The following PALM2AKAP2 variants were observed in gnomAD, a reference collection of about 807,000 sequenced individuals.
The protein encoded by PALM2AKAP2 is PALM2 and AKAP2 fusion.
In PALM2AKAP2, 37 loss-of-function variants were observed where a neutral mutation model predicts 71.5. The ratio of observed to expected loss-of-function variants is 0.52; its 90% CI spans 0.40 to 0.68. The LOEUF (loss-of-function observed/expected upper bound fraction) is 0.68. Ranked by LOEUF, PALM2AKAP2 falls within the 30% of genes least tolerant of loss-of-function variation. The probability of loss-of-function intolerance (pLI) is 0.00; values close to 1 mark genes in which losing one functional copy is unlikely to be tolerated. For missense variants in PALM2AKAP2, 1,224 were observed against 1,191.8 expected (o/e 1.03, Z -0.40); for synonymous variants, 468 against 478.8 (o/e 0.98, Z 0.29).
At position 109,919,709 on chromosome 9, in the gene PALM2AKAP2, G is replaced by GTATA. The variant is rs370844105; in HGVS notation, c.258-4016_258-4013dup. On this transcript the variant is annotated intron_variant, in intron 3 of 9. Coordinates refer to the PALM2AKAP2 transcript ENST00000302798. The stretch of plus-strand genomic sequence containing the variant: ...TTATTGGGATATATATTAGTAGGAT[G>GTATA]TATATATATATATGTGTGTATACAT... Among the ~76,000 whole-genome samples, 600 of 148,124 alleles carry GTATA rather than the reference G, an allele frequency of 4.1e-3. 4 individuals carry two copies. The highest frequency in any genetic ancestry group is 0.012 in the African/African-American group (469 of 39,788).
chr9:109,750,039 T>C (rs1167459628), intron 1 of PALM2AKAP2, among the ~76,000 whole-genome samples: 2 of 152,182 alleles, frequency 1.3e-5, no homozygotes, highest in African/African-American at 4.8e-5. Context: ...GTGATTTCAG[T>C]GTCACCAATA....
rs567216622 is a variant in PALM2AKAP2 at position 109,951,866 on chromosome 9, GTC to G, written c.496+19845_496+19846del. Among the ~76,000 whole-genome samples, 3 of 152,210 alleles carry G rather than the reference GTC, an allele frequency of 2.0e-5. No homozygotes were observed. In the South Asian group the frequency reaches 6.2e-4, roughly 32 times the overall value. On this transcript the variant is annotated intron_variant, in intron 6 of 9. Transcript: ENST00000302798. ...GTCCTCCCTCTAACCCCCTTTGCATGTCTCTCTCCACAACTGTCATCCTTTTC... is the reference window on the plus strand; with the variant it reads ...GTCCTCCCTCTAACCCCCTTTGCATGTCTCTCCACAACTGTCATCCTTTTC...
chr9:109,892,944 A>T (rs1232108236), intron 3 of PALM2AKAP2, among the ~76,000 whole-genome samples: 4 of 152,186 alleles, frequency 2.6e-5, no homozygotes, highest in African/African-American at 7.2e-5. Context: ...ATATATAAAC[A>T]ATCTCAAATT....
Position 109,682,239 on chromosome 9 carries a change from A to G in PALM2AKAP2, c.5+41373A>G, listed in dbSNP as rs535120303. ...GCTCAAAACATAATTTGTAAACTCTAATGACCAGAATGTTAGCCATAAGAA... is the reference window on the plus strand; with the variant it reads ...GCTCAAAACATAATTTGTAAACTCTGATGACCAGAATGTTAGCCATAAGAA... On this transcript the variant is annotated intron_variant, in intron 1 of 6. Coordinates refer to the PALM2AKAP2 transcript ENST00000374531. Among the ~76,000 whole-genome samples the G allele has an allele frequency of 6.1e-4, 93 of 152,306 alleles. 1 individual carries two copies. Among genetic ancestry groups the G allele is most frequent in the African/African-American group, 2.2e-3 (91 of 41,576 alleles).
intron 1 of PALM2AKAP2, among the ~76,000 whole-genome samples, chr9:109,661,050 A>G (rs1827386353): frequency 6.6e-6 from 1 of 152,094 alleles, no homozygotes; most frequent in South Asian, 2.1e-4. Context: ...TTCTTTGTAG[A>G]TTCTGGATAT....
chr9:109,688,416 G>A (rs1178227378), intron 1 of PALM2AKAP2, among the ~76,000 whole-genome samples: 2 of 152,206 alleles, frequency 1.3e-5, no homozygotes, highest in Admixed American at 1.3e-4. Context: ...CCATAGGGTG[G>A]CATTCAGAGC....
chr9:109,772,942 C>A (rs1193319565), intron 1 of PALM2AKAP2, among the ~76,000 whole-genome samples: 1 of 152,194 alleles, frequency 6.6e-6, no homozygotes, highest in South Asian at 2.1e-4. Flanking sequence ...CACGGTGAAA[C>A]CCCATCTCTA....
intron 1 of PALM2AKAP2, among the ~76,000 whole-genome samples, chr9:109,642,303 T>C (rs1171061194): frequency 1.3e-5 from 2 of 151,910 alleles, no homozygotes; most frequent in African/African-American, 4.8e-5. Context: ...AACTATTTCA[T>C]GTACTTTTTG....
chr9:109,650,633 C>G (rs1426025521), intron 1 of PALM2AKAP2, among the ~76,000 whole-genome samples: 1 of 152,136 alleles, frequency 6.6e-6, no homozygotes, highest in Admixed American at 6.5e-5. Flanking sequence ...ACTAAGTTGT[C>G]CAAGTTGGTC....
chr9:109,788,121 T>A (rs563316240), intron 1 of PALM2AKAP2, among the ~76,000 whole-genome samples: 8 of 152,336 alleles, frequency 5.3e-5, no homozygotes, highest in African/African-American at 1.9e-4. Flanking sequence ...TCTAGATAGG[T>A]AATTGCTCTC....
intron 6 of PALM2AKAP2, among the ~76,000 whole-genome samples, chr9:109,947,244 C>T (rs1450010261): frequency 6.6e-6 from 1 of 152,174 alleles, no homozygotes; most frequent in Non-Finnish European, 1.5e-5. Context: ...CTACCTATTC[C>T]ATTTAATTTC....
chr9:109,874,870 A>C (rs1829684898), intron 2 of PALM2AKAP2, among the ~76,000 whole-genome samples: 1 of 152,086 alleles, frequency 6.6e-6, no homozygotes, highest in South Asian at 2.1e-4. Flanking sequence ...CACTGATTCT[A>C]CCTCCAGAAT....
chr9:110,070,990 C>T (rs1402907589), intron 1 of PALM2AKAP2, among the ~76,000 whole-genome samples: 3 of 151,730 alleles, frequency 2.0e-5, no homozygotes, highest in African/African-American at 4.8e-5. Flanking sequence ...GGTGAAACCC[C>T]GCCTCTACTA....
intron 6 of PALM2AKAP2, among the ~76,000 whole-genome samples, chr9:110,008,783 A>G (rs76684906): frequency 0.023 from 3,432 of 152,130 alleles, 57 homozygotes; most frequent in South Asian, 0.052. Flanking sequence ...AATTGCCACT[A>G]TCTAGGATTG....
At chr9:109,968,565 G>C (rs981113775) in intron 6 of PALM2AKAP2, among the ~76,000 whole-genome samples, 1 of 152,104 alleles carries the variant, frequency 6.6e-6, no homozygotes, top group Admixed American at 6.5e-5. Context: ...GGGTTTCATT[G>C]CACCCTACAA....
At chr9:109,660,143 C>T (rs920291107) in intron 1 of PALM2AKAP2, among the ~76,000 whole-genome samples, 4 of 152,176 alleles carry the variant, frequency 2.6e-5, no homozygotes, top group African/African-American at 9.6e-5. Context: ...CCAAAAACAA[C>T]TCTTTCAGAA....
intron 6 of PALM2AKAP2, among the ~76,000 whole-genome samples, chr9:109,992,342 C>G (rs906434966): frequency 1.3e-5 from 2 of 152,188 alleles, no homozygotes; most frequent in Non-Finnish European, 2.9e-5. Flanking sequence ...TTGGCTACAT[C>G]TGCAAAGATC....
In PALM2AKAP2 at chr9:109,906,735, C is replaced by T. The variant is rs962417916; in HGVS notation, c.258-17000C>T. Among the ~76,000 whole-genome samples the T allele has an allele frequency of 7.9e-5, 12 of 152,292 alleles. No homozygotes were observed. In the South Asian group the frequency reaches 8.3e-4, roughly 11 times the overall value. ...TGTAACCCTTTCATACATCCAAATC[C>T]GTTCTTTTCACATCTGTCCACATGG... On this transcript the variant is annotated intron_variant, in intron 3 of 9. Coordinates refer to the PALM2AKAP2 transcript ENST00000302798.
At chr9:109,973,022 T>C (rs539926499) in intron 6 of PALM2AKAP2, among the ~76,000 whole-genome samples, 1 of 152,150 alleles carries the variant, frequency 6.6e-6, no homozygotes, top group East Asian at 1.9e-4. Context: ...TAAGTTGGAA[T>C]CAATAATCCA....
Sources: gnomAD v4.1 joint callset for allele counts (sites outside exome capture counted in the v4.1 genomes callset) on GRCh38, gnomAD v4.1.1 for gene constraint, MANE v1.5 for transcripts, NCBI Gene and HGNC (gene_info 2026-07-23, HGNC 2026-07-21) for gene names.